Variants in ATRNL1 observed in about 807,000 individuals in gnomAD.
ATRNL1 encodes the protein attractin like 1.
A neutral mutation model predicts 182.7 loss-of-function variants in ATRNL1; 95 were observed. The ratio of observed to expected loss-of-function variants is 0.52; its 90% CI spans 0.44 to 0.62. ATRNL1 has a LOEUF of 0.62. Among genes scored for constraint, ATRNL1 ranks in the 20% least tolerant of loss-of-function variants. The pLI is 0.00. For missense variants in ATRNL1, 1,471 were observed against 1,679.5 expected (o/e 0.88, Z 2.17); for synonymous variants, 576 against 568.3 (o/e 1.01, Z -0.19).
intron 9 of ATRNL1, among the ~76,000 whole-genome samples, chr10:115,240,022 T>TTG (rs1386090164): frequency 6.6e-6 from 1 of 152,066 alleles, no homozygotes; most frequent in Non-Finnish European, 1.5e-5. Context: ...TGAATTGGTT[T>TTG]TGTGTGTGTG....
At chr10:115,338,948 A>G (rs1178272610) in intron 19 of ATRNL1, among the ~76,000 whole-genome samples, 1 of 152,188 alleles carries the variant, frequency 6.6e-6, no homozygotes, top group East Asian at 1.9e-4. Context: ...ATGGATCTCC[A>G]GTTTTCCCAG....
At chr10:115,413,948 C>T (rs1845264949) in intron 20 of ATRNL1, among the ~76,000 whole-genome samples, 1 of 151,932 alleles carries the variant, frequency 6.6e-6, no homozygotes, top group African/African-American at 2.4e-5. Context: ...CACATACATG[C>T]ATACATATGC....
chr10:115,206,324 A>G (rs547474452), intron 8 of ATRNL1, among the ~76,000 whole-genome samples: 1 of 152,168 alleles, frequency 6.6e-6, no homozygotes, highest in African/African-American at 2.4e-5. Flanking sequence ...TGATTTGCTC[A>G]GGTTCCTGAA....
At chr10:115,761,888 G>T (rs1245547285) in intron 27 of ATRNL1, among the ~76,000 whole-genome samples, 1 of 152,168 alleles carries the variant, frequency 6.6e-6, no homozygotes, top group Non-Finnish European at 1.5e-5. Context: ...CCAAAACAAA[G>T]TCGGGGCTCA....
At chr10:115,528,376 G>T (rs1164702231) in intron 25 of ATRNL1, among the ~76,000 whole-genome samples, 3 of 151,624 alleles carry the variant, frequency 2.0e-5, no homozygotes, top group Non-Finnish European at 4.4e-5. Flanking sequence ...CTAGGGATTT[G>T]TCCATTTCAC....
intron 1 of ATRNL1, among the ~76,000 whole-genome samples, chr10:115,116,592 G>T (rs149582896): frequency 6.6e-6 from 1 of 152,048 alleles, no homozygotes; most frequent in African/African-American, 2.4e-5. Context: ...TGCAGGTAAA[G>T]GTTCTTGGAG....
At chr10:115,869,472 C>CT (rs1243697377) in intron 28 of ATRNL1, among the ~76,000 whole-genome samples, 1 of 152,060 alleles carries the variant, frequency 6.6e-6, no homozygotes, top group Non-Finnish European at 1.5e-5. Context: ...TGCACAGGTG[C>CT]TGTGGACAGG....
At chr10:115,834,572 T>A (rs1950627496) in intron 27 of ATRNL1, among the ~76,000 whole-genome samples, 1 of 152,200 alleles carries the variant, frequency 6.6e-6, no homozygotes, top group Non-Finnish European at 1.5e-5. Context: ...TTTGCTCTGG[T>A]AAGGTAATAT....
chr10:115,837,462 C>T (rs1950701346), intron 27 of ATRNL1, among the ~76,000 whole-genome samples: 1 of 113,684 alleles, frequency 8.8e-6, no homozygotes, highest in African/African-American at 3.7e-5. Flanking sequence ...AGAGGCTTCC[C>T]AAGCCACACA....
At chr10:115,742,059 G>A (rs1555067804) in intron 27 of ATRNL1, among the ~76,000 whole-genome samples, 1 of 152,208 alleles carries the variant, frequency 6.6e-6, no homozygotes, top group Non-Finnish European at 1.5e-5. Flanking sequence ...TAATTATGCA[G>A]TCATTGGTGG....
At chr10:115,260,343 C>T (rs573119711) in intron 10 of ATRNL1, among the ~76,000 whole-genome samples, 1 of 152,272 alleles carries the variant, frequency 6.6e-6, no homozygotes, top group South Asian at 2.1e-4. Context: ...TGCTGTTAGT[C>T]CGATTTATGG....
chr10:115,616,079 T>C (rs1201929191), intron 26 of ATRNL1, among the ~76,000 whole-genome samples: 1 of 152,088 alleles, frequency 6.6e-6, no homozygotes, highest in African/African-American at 2.4e-5. Context: ...AAAATGATAA[T>C]AGTGATATGG....
At chr10:115,836,350 C>T (rs929353582) in intron 27 of ATRNL1, among the ~76,000 whole-genome samples, 1 of 152,112 alleles carries the variant, frequency 6.6e-6, no homozygotes, top group Non-Finnish European at 1.5e-5. Flanking sequence ...ATCAATACTC[C>T]TTGGCCATTC....
intron 26 of ATRNL1, among the ~76,000 whole-genome samples, chr10:115,719,734 A>G (rs1947361789): frequency 6.6e-6 from 1 of 152,146 alleles, no homozygotes; most frequent in Admixed American, 6.5e-5. Context: ...TGATTTTACC[A>G]AGGTCTATCC....
intron 26 of ATRNL1, among the ~76,000 whole-genome samples, chr10:115,584,404 T>C (rs1234578020): frequency 7.2e-6 from 1 of 138,868 alleles, no homozygotes; most frequent in African/African-American, 2.5e-5. Flanking sequence ...TGGTAAGCTA[T>C]TGATTATTGC....
At position 115,944,812 on chromosome 10, in the gene ATRNL1, G is replaced by GTTTTA. The variant is rs782505841; in HGVS notation, c.*34_*38dup. 6.3e-7 allele frequency: 1 copy of GTTTTA among 1,594,652 alleles called. No individual in the cohort carries two copies. Among genetic ancestry groups the GTTTTA allele is most frequent in the Admixed American group, 1.7e-5 (1 of 58,006 alleles). On this transcript the variant is annotated 3_prime_UTR_variant, in exon 29 of 29. Transcript: ENST00000355044. ...AAACCGCTCCTGTATATTCTGTACT[G>GTTTTA]TTTTACTTCGGGCTTCTGTTAAAGC...
chr10:115,822,650 C>T (rs1321413471), intron 27 of ATRNL1, among the ~76,000 whole-genome samples: 3 of 152,246 alleles, frequency 2.0e-5, no homozygotes, highest in East Asian at 1.9e-4. Flanking sequence ...ATACTATAAA[C>T]ACCTCTATGC....
intron 20 of ATRNL1, among the ~76,000 whole-genome samples, chr10:115,424,257 G>T (rs1845779321): frequency 6.6e-6 from 1 of 152,156 alleles, no homozygotes; most frequent in Non-Finnish European, 1.5e-5. Context: ...TAGAATGGCT[G>T]TTATGAAAAA....
chr10:115,380,675 G>A (rs1047173961), intron 19 of ATRNL1, among the ~76,000 whole-genome samples: 1 of 152,018 alleles, frequency 6.6e-6, no homozygotes, highest in African/African-American at 2.4e-5. Context: ...TGTAATAAAG[G>A]TTCATCCATG....
Sources: allele counts gnomAD v4.1 joint callset (sites outside exome capture counted in the v4.1 genomes callset), GRCh38; gene constraint gnomAD v4.1.1; transcripts MANE v1.5; gene names NCBI Gene and HGNC (gene_info 2026-07-23, HGNC 2026-07-21).